The following MAN2B1 variants were observed in gnomAD, a reference collection of about 807,000 sequenced individuals.
The protein encoded by MAN2B1 is mannosidase alpha class 2B member 1, also known as lysosomal alpha-mannosidase.
MAN2B1 carries 99 observed loss-of-function variants against 127.5 expected under a neutral mutation model. The ratio of observed to expected loss-of-function variants is 0.78; its 90% CI spans 0.66 to 0.92. The LOEUF (loss-of-function observed/expected upper bound fraction) is 0.92. Ranked by LOEUF, MAN2B1 falls within the 40% of genes least tolerant of loss-of-function variation. MAN2B1 has a pLI of 0.00. For synonymous variants in MAN2B1, 573 were observed against 568.8 expected (o/e 1.01, Z -0.11); for missense variants, 1,304 against 1,384.8 (o/e 0.94, Z 0.93).
At chr19:12,660,010 T>C (rs2024065491) in intron 7 of MAN2B1, among the ~76,000 whole-genome samples, 1 of 152,120 alleles carries the variant, frequency 6.6e-6, no homozygotes, top group South Asian at 2.1e-4. Flanking sequence ...GTTTCTGTGC[T>C]GATGAGAGTG....
chr19:12,651,634 C>A (rs902015935), intron 16 of MAN2B1, among the ~76,000 whole-genome samples: 1 of 151,850 alleles, frequency 6.6e-6, no homozygotes, highest in African/African-American at 2.4e-5. Flanking sequence ...TGAATGTGGA[C>A]AAATGTGAGT....
chr19:12,647,163 C>G lies in MAN2B1; in HGVS notation c.2923+70G>C, dbSNP rs1034124118. On this transcript the variant is annotated intron_variant, in intron 23 of 23. Transcript: ENST00000456935. This position sits in a 1 kb window ranked among gnomAD's most constrained non-coding sequence, Gnocchi z 4.9. ...GGGTCCTGGCCAACATCCCATGCCT[C>G]ACACATTGCCCCCACCTGCCGGCCC... is the stretch of plus-strand genomic sequence containing the variant. 7 of 1,404,194 alleles carry G rather than the reference C, an allele frequency of 5.0e-6. No individual in the cohort carries two copies. In the South Asian group the frequency reaches 8.1e-5, roughly 16 times the overall value. The allele number at this position is 1,404,194 out of a possible 1,614,324, so 87.0% of individuals were successfully genotyped here. A position where few individuals can be genotyped will look rare whatever the true frequency, so the allele number is the denominator to read the frequency against.
At chr19:12,655,975 G>A (rs2023944815) in intron 13 of MAN2B1, 96 bp from the exon 14 acceptor site, 2 of 947,980 alleles carry the variant, frequency 2.1e-6, no homozygotes, top group African/African-American at 3.2e-5. Flanking sequence ...AGAGTCCTGA[G>A]ATGGGGAAAG....
chr19:12,659,707 T>C (rs889361013), intron 7 of MAN2B1, among the ~76,000 whole-genome samples: 9 of 152,044 alleles, frequency 5.9e-5, no homozygotes, highest in Admixed American at 5.2e-4. Context: ...TAGTCCCAGC[T>C]ACTTGGGAGG....
chr19:12,648,434 G>A, intron 20 of MAN2B1, 32 bp from the exon 21 acceptor site: 1 of 1,563,206 alleles, frequency 6.4e-7, no homozygotes, highest in South Asian at 1.1e-5. Flanking sequence ...GGGGGTGAGA[G>A]TCGTGGGTTT....
rs765139571 is a variant in MAN2B1, at chr19:12,658,493, A to T, written c.1044T>A (p.Ser348Arg). 3 of 1,614,032 alleles carry T rather than the reference A, an allele frequency of 1.9e-6. No homozygotes were observed. The African/African-American group carries it at 4.0e-5, about 22-fold the overall frequency. Residue 348 changes from serine (S) to arginine (R), a missense_variant, in exon 8 of 24, where the codon AGT (serine) becomes AGA (arginine). By Grantham distance (110) the Ser-to-Arg change is moderately radical (BLOSUM62 -1). Transcript: ENST00000456935. ...CGGGGGTGGAGTAGAGAACATGGAC[A>T]CTGCTTCCTTTTGCCTGCTGCTGGG... ...LVNAQQAKGS[S>R]VHVLYSTPAC...
At chr19:12,662,059 G>A (rs1313434804) in intron 6 of MAN2B1, among the ~76,000 whole-genome samples, 1 of 152,008 alleles carries the variant, frequency 6.6e-6, no homozygotes, top group Non-Finnish European at 1.5e-5. Flanking sequence ...TGGCTATGCT[G>A]GTCTTGAACT....
rs748152945 is a variant in MAN2B1 at position 12,655,829 on chromosome 19, C to A, written c.1695G>T (p.Leu565=). 5 of 1,613,822 alleles carry A rather than the reference C, an allele frequency of 3.1e-6. No homozygotes were observed. Among genetic ancestry groups the A allele is most frequent in the Admixed American group, 1.7e-5 (1 of 59,970 alleles). ...CCAGGGCGGGCAGTGAGGCTGAGAACAGCAGCTCCGGAGGGTGCGCCTGGC... is the reference window on the plus strand; with the variant it reads ...CCAGGGCGGGCAGTGAGGCTGAGAAAAGCAGCTCCGGAGGGTGCGCCTGGC... ...SDSQAHPPEL[L]FSASLPALGF... The change falls in exon 14 of 24, where the codon CTG becomes CTT. Residue 565 remains leucine, a synonymous_variant. Coordinates refer to ENST00000456935, the MANE Select transcript of MAN2B1 (RefSeq NM_000528.4).
At chr19:12,663,196 A>T (rs1206166357) in intron 6 of MAN2B1, 121 bp downstream of exon 6, 3 of 1,222,624 alleles carry the variant, frequency 2.5e-6, no homozygotes. Context: ...CCTGGGTGAC[A>T]GAGTAAGACT....
In MAN2B1 at chr19:12,663,837, TG is replaced by T; in HGVS notation, c.631-3del. 1 of 1,614,160 alleles carries T rather than the reference TG, an allele frequency of 6.2e-7. No individual in the cohort carries two copies. The highest frequency in any genetic ancestry group is 8.5e-7 in the Non-Finnish European group (1 of 1,180,032). On this transcript the variant is annotated splice_region_variant and splice_polypyrimidine_tract_variant and intron_variant, in intron 4 of 23. Transcript: ENST00000456935. ...AAAGAAGAAGCCGTCGAAGCCCATC[TG>T]GGGATGAGGGAGGAAAAGGCAGTGT...
Position 12,647,143 on chromosome 19 carries a change from C to T in MAN2B1, c.2923+90G>A, listed in dbSNP as rs1306446908. The T allele has an allele frequency of 3.2e-6, 4 of 1,264,862 alleles. No individual in the cohort carries two copies. The Admixed American group carries it at 5.1e-5, about 16-fold the overall frequency. 78.4% of individuals were successfully genotyped at this position (1,264,862 alleles called of 1,614,324 possible). ...CATACCCTCATGACCTTTTTGGGTC[C>T]TGGCCAACATCCCATGCCTCACACA... On this transcript the variant is annotated intron_variant, in intron 23 of 23. Transcript: ENST00000456935. The surrounding 1 kb of genome is among the most constrained non-coding windows in gnomAD (Gnocchi z 4.9).
chr19:12,659,297 CT>C lies in MAN2B1; in HGVS notation c.1027-788del, dbSNP rs34781385. Among the ~76,000 whole-genome samples, 1,028 of 113,878 alleles carry C rather than the reference CT, an allele frequency of 9.0e-3. 10 individuals carry two copies. The highest frequency in any genetic ancestry group is 0.029 in the East Asian group (118 of 4,022). The allele number at this position is 113,878 out of a possible 152,430, so 74.7% of individuals were successfully genotyped here. On this transcript the variant is annotated intron_variant, in intron 7 of 23. Coordinates refer to ENST00000456935, the MANE Select transcript of MAN2B1 (RefSeq NM_000528.4). ...ATGTACACAGTAGGTGCTCAATAAA[CT>C]TTTTTTTTTTTTTTTTTTTTTGAGA...
intron 6 of MAN2B1, among the ~76,000 whole-genome samples, chr19:12,662,102 C>G (rs1257660500): frequency 1.3e-5 from 2 of 152,056 alleles, no homozygotes; most frequent in Admixed American, 6.6e-5. Context: ...ATCTCGGCCT[C>G]TCAAAATGCT....
At chr19:12,662,862 C>T (rs979895170) in intron 6 of MAN2B1, among the ~76,000 whole-genome samples, 6 of 151,076 alleles carry the variant, frequency 4.0e-5, no homozygotes, top group Non-Finnish European at 7.4e-5. Context: ...CGCTTGAACC[C>T]GGGAGGCGGA....
Position 12,646,634 on chromosome 19 carries a change from C to T in MAN2B1, c.3022G>A (p.Glu1008Lys). ...TCCCAGCAGACCTAACCATCCACCT[C>T]CTTCCATTGAACTGAGGCCAGGAAA... is the stretch of plus-strand genomic sequence containing the variant. Reference protein sequence around the residue: ...RTFLASVQWKEVDG With the variant: ...RTFLASVQWKKVDG Residue 1008 changes from glutamate (E) to lysine (K), a missense_variant, in exon 24 of 24, where the codon GAG (glutamate) becomes AAG (lysine). By Grantham distance (56) the Glu-to-Lys change is moderately conservative (BLOSUM62 1). Coordinates refer to ENST00000456935, the MANE Select transcript of MAN2B1 (RefSeq NM_000528.4). 1.9e-6 allele frequency: 3 copies of T among 1,612,970 alleles called. No individual in the cohort carries two copies. The highest frequency in any genetic ancestry group is 1.1e-5 in the South Asian group (1 of 91,066).
chr19:12,658,798 G>C (rs1480626905), intron 7 of MAN2B1: 1 of 453,022 alleles, frequency 2.2e-6, no homozygotes, highest in African/African-American at 2.0e-5. Context: ...GAAAAACTAA[G>C]TGTGACATTA....
intron 20 of MAN2B1, among the ~76,000 whole-genome samples, chr19:12,648,930 G>C (rs1350315624): frequency 6.6e-6 from 1 of 152,206 alleles, no homozygotes; most frequent in South Asian, 2.1e-4. Flanking sequence ...AGGAGGCAGA[G>C]GTTGCAGTGA....
chr19:12,656,636 G>C lies in MAN2B1; in HGVS notation c.1579C>G (p.Arg527Gly). Residue 527 changes from arginine (R) to glycine (G), a missense_variant, in exon 13 of 24, where the codon CGG becomes GGG. Coordinates refer to ENST00000456935, the MANE Select transcript of MAN2B1 (RefSeq NM_000528.4). ...PLGRKVNWMV[R>G]LPVSEGVFVV... ...AAAACGCCTTCGCTGACCGGCAGCC[G>C]TACCATCCAATTCACCTTCCGCCCC... 6.2e-7 allele frequency: 1 copy of C among 1,613,968 alleles called. No homozygotes were observed. Among genetic ancestry groups the C allele is most frequent in the Non-Finnish European group, 8.5e-7 (1 of 1,179,940 alleles).
chr19:12,654,077 C>G (rs1412908809), intron 14 of MAN2B1, among the ~76,000 whole-genome samples: 1 of 146,480 alleles, frequency 6.8e-6, no homozygotes, highest in East Asian at 2.0e-4. Flanking sequence ...GAGTCTCACT[C>G]TGTTGCCCAG....
Sources: allele counts gnomAD v4.1 joint callset (sites outside exome capture counted in the v4.1 genomes callset), GRCh38; gene constraint gnomAD v4.1.1; non-coding constraint Gnocchi (gnomAD v3.1); transcripts MANE v1.5; gene names NCBI Gene and HGNC (gene_info 2026-07-23, HGNC 2026-07-21).